GPC6: variants seen among roughly 807,000 people sequenced by gnomAD.
GPC6 encodes the protein glypican 6.
GPC6 carries 14 observed loss-of-function variants against 55.2 expected under a neutral mutation model. The observed-to-expected ratio is 0.25, with a 90% CI of 0.17 to 0.40. The LOEUF (loss-of-function observed/expected upper bound fraction) is 0.40. GPC6 is among the 10% of genes least tolerant of loss of function. The probability of loss-of-function intolerance (pLI) is 1.00; values close to 1 mark genes in which losing one functional copy is unlikely to be tolerated. For missense variants in GPC6, 641 were observed against 708.5 expected (o/e 0.90, Z 1.08); for synonymous variants, 278 against 259.6 (o/e 1.07, Z -0.68).
At position 93,782,775 on chromosome 13, in the gene GPC6, T is replaced by TTA. The variant is rs199588415; in HGVS notation, c.320-47370_320-47369dup. Reference sequence around the variant, plus strand: ...CCTTAGTTCCATTTTAAAAATCAAATTATATATATACATATATATATTTGC... The same window carrying TTA: ...CCTTAGTTCCATTTTAAAAATCAAATTATATATATATACATATATATATTTGC... On this transcript the variant is annotated intron_variant, in intron 2 of 8. Coordinates refer to ENST00000377047, the MANE Select transcript of GPC6 (RefSeq NM_005708.5). Among the ~76,000 whole-genome samples, 741 of 152,186 alleles carry TTA rather than the reference T, an allele frequency of 4.9e-3. 2 individuals carry two copies. The highest frequency in any genetic ancestry group is 8.2e-3 in the Non-Finnish European group (555 of 67,998).
intron 2 of GPC6, among the ~76,000 whole-genome samples, chr13:93,755,248 C>T (rs1425908204): frequency 6.6e-6 from 1 of 152,090 alleles, no homozygotes; most frequent in Non-Finnish European, 1.5e-5. Flanking sequence ...GTGCAAGCTA[C>T]CCTGACACAC....
chr13:93,769,998 G>A (rs886522161), intron 2 of GPC6, among the ~76,000 whole-genome samples: 3 of 152,156 alleles, frequency 2.0e-5, no homozygotes, highest in African/African-American at 4.8e-5. Context: ...GCCAAGGAAC[G>A]AAGGATTTCC....
intron 4 of GPC6, among the ~76,000 whole-genome samples, chr13:94,186,292 A>C (rs1290103638): frequency 6.6e-6 from 1 of 152,164 alleles, no homozygotes; most frequent in African/African-American, 2.4e-5. Flanking sequence ...ACAAAACACA[A>C]AGCAGTAACT....
intron 1 of GPC6, among the ~76,000 whole-genome samples, chr13:93,232,868 G>A (rs758284929): frequency 1.1e-4 from 16 of 151,938 alleles, no homozygotes; most frequent in Non-Finnish European, 2.1e-4. Flanking sequence ...TAAATTAATT[G>A]CTTTAAAAAT....
chr13:93,602,192 C>T (rs953880200), intron 2 of GPC6, among the ~76,000 whole-genome samples: 1 of 152,170 alleles, frequency 6.6e-6, no homozygotes, highest in Non-Finnish European at 1.5e-5. Context: ...ATAAAATATT[C>T]TAAACTAATG....
At chr13:93,837,854 G>A (rs891331859) in intron 3 of GPC6, among the ~76,000 whole-genome samples, 2 of 152,114 alleles carry the variant, frequency 1.3e-5, no homozygotes, top group African/African-American at 4.8e-5. Flanking sequence ...GCACAGTGAA[G>A]GACATTTTAG....
intron 2 of GPC6, among the ~76,000 whole-genome samples, chr13:93,686,970 T>A (rs1330215740): frequency 6.6e-6 from 1 of 152,082 alleles, no homozygotes; most frequent in Non-Finnish European, 1.5e-5. Context: ...TTTTAAAGCC[T>A]ATATAACATT....
intron 1 of GPC6, among the ~76,000 whole-genome samples, chr13:93,517,193 C>T (rs1384457512): frequency 1.3e-5 from 2 of 152,050 alleles, no homozygotes; most frequent in African/African-American, 4.8e-5. Context: ...CCTTGTGTCT[C>T]AGAAACACCT....
chr13:93,838,396 G>A (rs942919719), intron 3 of GPC6, among the ~76,000 whole-genome samples: 1 of 152,072 alleles, frequency 6.6e-6, no homozygotes, highest in Admixed American at 6.5e-5. Context: ...CTCACAGAGG[G>A]AAAAAAGAGG....
At chr13:93,249,371 T>C (rs577956901) in intron 1 of GPC6, among the ~76,000 whole-genome samples, 46 of 152,362 alleles carry the variant, frequency 3.0e-4, no homozygotes, top group Non-Finnish European at 5.3e-4. Context: ...TTTAGAATTG[T>C]ATCCTTTCTG....
intron 4 of GPC6, among the ~76,000 whole-genome samples, chr13:94,256,870 C>G (rs1397789278): frequency 6.6e-6 from 1 of 152,106 alleles, no homozygotes; most frequent in African/African-American, 2.4e-5. Context: ...TTAGACTGAA[C>G]AAAATTTCTT....
intron 1 of GPC6, among the ~76,000 whole-genome samples, chr13:93,248,911 G>T (rs2139025495): frequency 6.6e-6 from 1 of 152,308 alleles, no homozygotes; most frequent in South Asian, 2.1e-4. Flanking sequence ...AGCATTCGAG[G>T]CCTGTTACCT....
At chr13:94,007,608 C>T (rs138880199) in intron 3 of GPC6, among the ~76,000 whole-genome samples, 2 of 152,222 alleles carry the variant, frequency 1.3e-5, no homozygotes, top group African/African-American at 2.4e-5. Context: ...TGGTCTTTGT[C>T]GTCCTTTTCC....
chr13:93,235,535 A>C (rs1876204465), intron 1 of GPC6, among the ~76,000 whole-genome samples: 1 of 152,070 alleles, frequency 6.6e-6, no homozygotes, highest in African/African-American at 2.4e-5. Context: ...GAGACACTTA[A>C]ATTTTAGAGG....
chr13:94,048,057 A>C (rs567737787), intron 4 of GPC6, among the ~76,000 whole-genome samples: 1 of 152,144 alleles, frequency 6.6e-6, no homozygotes, highest in Non-Finnish European at 1.5e-5. Flanking sequence ...CATGGTAAAA[A>C]TTCCAGGAAG....
intron 1 of GPC6, among the ~76,000 whole-genome samples, chr13:93,454,962 C>T (rs890869670): frequency 4.6e-5 from 7 of 152,346 alleles, no homozygotes; most frequent in African/African-American, 1.7e-4. Context: ...GGTGAGAAAT[C>T]GAGCGCAGCG....
At chr13:93,470,173 T>C (rs1188527693) in intron 1 of GPC6, among the ~76,000 whole-genome samples, 1 of 151,710 alleles carries the variant, frequency 6.6e-6, no homozygotes, top group East Asian at 1.9e-4. Context: ...GATTTTTTTT[T>C]CTTGTCTTAT....
intron 1 of GPC6, among the ~76,000 whole-genome samples, chr13:93,389,543 T>C (rs1405238898): frequency 6.7e-6 from 1 of 149,180 alleles, no homozygotes; most frequent in African/African-American, 2.4e-5. Flanking sequence ...GTATAATGAA[T>C]ATATGTAAAT....
At chr13:94,368,266 G>A (rs896422635) in intron 6 of GPC6, among the ~76,000 whole-genome samples, 1 of 152,040 alleles carries the variant, frequency 6.6e-6, no homozygotes, top group Non-Finnish European at 1.5e-5. Flanking sequence ...TGTTGGAGTG[G>A]TTTTAGGTTG....
Sources: gnomAD v4.1 joint callset for allele counts (sites outside exome capture counted in the v4.1 genomes callset) on GRCh38, gnomAD v4.1.1 for gene constraint, MANE v1.5 for transcripts, NCBI Gene and HGNC (gene_info 2026-07-23, HGNC 2026-07-21) for gene names.